TMEM200A: variants seen among roughly 807,000 people sequenced by gnomAD.
TMEM200A encodes transmembrane protein 200A.
TMEM200A carries 12 observed loss-of-function variants against 24.3 expected under a neutral mutation model. The observed-to-expected ratio is 0.49, with a 90% CI of 0.32 to 0.80. The LOEUF is 0.80. Ranked by LOEUF, TMEM200A falls within the 30% of genes least tolerant of loss-of-function variation. The probability of loss-of-function intolerance (pLI) is 0.04; values close to 1 mark genes in which losing one functional copy is unlikely to be tolerated. For missense variants in TMEM200A, 545 were observed against 614.4 expected (o/e 0.89, Z 1.19); for synonymous variants, 224 against 224.4 (o/e 1.00, Z 0.02).
At position 130,435,859 on chromosome 6, in the gene TMEM200A, G is replaced by A. The variant is rs369065142; in HGVS notation, c.-16-4548G>A. ...GAGGAGGATGTGGAGGTAGAAAAGT[G>A]GTCTCCTTTGAGTCTGCATCTTCAT... On this transcript the variant is annotated intron_variant, in intron 2 of 2. Transcript: ENST00000296978. 2.6e-5 allele frequency among the ~76,000 whole-genome samples: 4 copies of A among 152,328 alleles called. No homozygotes were observed. In the South Asian group the frequency reaches 8.3e-4, roughly 32 times the overall value.
chr6:130,422,322 G>A (rs1177663692), intron 2 of TMEM200A, among the ~76,000 whole-genome samples: 1 of 152,082 alleles, frequency 6.6e-6, no homozygotes, highest in Non-Finnish European at 1.5e-5. Flanking sequence ...AAGCTGGAAG[G>A]TAGTGGTGCG....
At chr6:130,375,520 CAT>C (rs2115075498) in intron 1 of TMEM200A, among the ~76,000 whole-genome samples, 1 of 152,262 alleles carries the variant, frequency 6.6e-6, no homozygotes, top group South Asian at 2.1e-4. Flanking sequence ...AAACAGGAAA[CAT>C]ATAAATGAGC....
intron 1 of TMEM200A, among the ~76,000 whole-genome samples, chr6:130,373,922 G>T (rs950113651): frequency 2.0e-5 from 3 of 152,108 alleles, no homozygotes; most frequent in African/African-American, 7.2e-5. Context: ...TTGAAAAAAA[G>T]AATAGTTTAT....
At chr6:130,428,287 T>G (rs1481257857) in intron 2 of TMEM200A, among the ~76,000 whole-genome samples, 1 of 152,184 alleles carries the variant, frequency 6.6e-6, no homozygotes, top group Non-Finnish European at 1.5e-5. Context: ...TAAGGACATT[T>G]AAAAAGGTAT....
intron 1 of TMEM200A, among the ~76,000 whole-genome samples, chr6:130,382,261 G>A (rs886487158): frequency 6.6e-6 from 1 of 152,164 alleles, no homozygotes; most frequent in Admixed American, 6.5e-5. Context: ...CACAGTGTGT[G>A]GCACAAAGTG....
chr6:130,427,327 G>C (rs1253279384), intron 2 of TMEM200A, among the ~76,000 whole-genome samples: 1 of 152,096 alleles, frequency 6.6e-6, no homozygotes, highest in Non-Finnish European at 1.5e-5. Flanking sequence ...TTCTGCTCTA[G>C]AAACTCAGAA....
intron 2 of TMEM200A, among the ~76,000 whole-genome samples, chr6:130,426,366 C>A (rs904301831): frequency 1.6e-4 from 25 of 151,718 alleles, no homozygotes; most frequent in African/African-American, 6.1e-4. Flanking sequence ...GATTTAATTT[C>A]AAGGCATGAA....
chr6:130,377,497 C>T (rs1192352117), intron 1 of TMEM200A, among the ~76,000 whole-genome samples: 1 of 152,086 alleles, frequency 6.6e-6, no homozygotes, highest in Non-Finnish European at 1.5e-5. Context: ...CTCATCCCTA[C>T]CTAGAACCCC....
intron 2 of TMEM200A, among the ~76,000 whole-genome samples, chr6:130,430,691 C>A (rs182543352): frequency 1.3e-4 from 20 of 152,204 alleles, no homozygotes; most frequent in Non-Finnish European, 1.5e-4. Context: ...ATAGATCATT[C>A]TTTCTGTGAG....
intron 1 of TMEM200A, among the ~76,000 whole-genome samples, chr6:130,369,411 T>G (rs982559381): frequency 7.2e-5 from 11 of 152,216 alleles, no homozygotes; most frequent in Middle Eastern, 3.4e-3. Flanking sequence ...AAGGTTAGGG[T>G]CAGATTTTAG....
At chr6:130,434,098 G>A (rs1156727971) in intron 2 of TMEM200A, among the ~76,000 whole-genome samples, 4 of 152,178 alleles carry the variant, frequency 2.6e-5, no homozygotes, top group Non-Finnish European at 5.9e-5. Context: ...CAGGGATGAG[G>A]TTTTATTAAC....
chr6:130,365,879 A>G (rs963722160), upstream of TMEM200A: 4 of 985,320 alleles, frequency 4.1e-6, no homozygotes, highest in African/African-American at 7.0e-5. Flanking sequence ...GGGGTTTCCC[A>G]CAGGTTTTGG....
At chr6:130,415,817 A>G (rs1259577365) in intron 2 of TMEM200A, among the ~76,000 whole-genome samples, 4 of 152,220 alleles carry the variant, frequency 2.6e-5, no homozygotes, top group Admixed American at 1.3e-4. Context: ...ACAGTATGCA[A>G]GCATTATTAG....
At chr6:130,393,533 G>A (rs1583189619) in intron 2 of TMEM200A, among the ~76,000 whole-genome samples, 1 of 152,188 alleles carries the variant, frequency 6.6e-6, no homozygotes, top group African/African-American at 2.4e-5. Context: ...CTTCACATGC[G>A]AGCCTGAGCA....
chr6:130,366,421 G>C lies in TMEM200A; in HGVS notation c.-184G>C. ...CGCCCCCGACCCTGCCGCCTTCTTC[G>C]TCCGCCTCCAGAGGCGCCCGACGTC... On this transcript the variant is annotated 5_prime_UTR_variant, in exon 1 of 3. Transcript: ENST00000296978. The surrounding 1 kb of genome is among the most constrained non-coding windows in gnomAD (Gnocchi z 4.4). 1.0e-6 allele frequency: 1 copy of C among 985,486 alleles called. No individual in the cohort carries two copies. The allele number at this position is 985,486 out of a possible 1,614,324, so 61.0% of individuals were successfully genotyped here. A position where few individuals can be genotyped will look rare whatever the true frequency, so the allele number is the denominator to read the frequency against.
rs146743557 is a variant in TMEM200A, at chr6:130,427,056, C to T, written c.-16-13351C>T. On this transcript the variant is annotated intron_variant, in intron 2 of 2. Coordinates refer to ENST00000296978, the MANE Select transcript of TMEM200A (RefSeq NM_001258277.2). ...TTGCTCCAATCCTGCATTTTTGCCT[C>T]GAAGGCTACACTCCACCTGCTTTAA... is the stretch of plus-strand genomic sequence containing the variant. Among the ~76,000 whole-genome samples the T allele has an allele frequency of 1.3e-3, 195 of 152,180 alleles. 2 individuals are homozygous for T. Among genetic ancestry groups the T allele is most frequent in the African/African-American group, 4.4e-3 (182 of 41,550 alleles).
intron 2 of TMEM200A, among the ~76,000 whole-genome samples, chr6:130,402,161 AAT>A (rs1192350940): frequency 6.6e-6 from 1 of 152,012 alleles, no homozygotes; most frequent in African/African-American, 2.4e-5. Context: ...TTATGGGAGA[AAT>A]ATCACAATTT....
intron 2 of TMEM200A, among the ~76,000 whole-genome samples, chr6:130,398,025 G>A (rs1353526433): frequency 1.3e-5 from 2 of 151,800 alleles, no homozygotes; most frequent in South Asian, 4.1e-4. Context: ...TGTTACATGG[G>A]TAAATTCCAT....
intron 2 of TMEM200A, among the ~76,000 whole-genome samples, chr6:130,393,701 G>C (rs1340163934): frequency 1.3e-5 from 2 of 152,124 alleles, no homozygotes; most frequent in Non-Finnish European, 2.9e-5. Flanking sequence ...TTATTTTCCA[G>C]GCCCATCATG....
Sources: gnomAD v4.1 joint callset for allele counts (sites outside exome capture counted in the v4.1 genomes callset) on GRCh38, gnomAD v4.1.1 for gene constraint, Gnocchi (gnomAD v3.1) non-coding constraint, MANE v1.5 for transcripts, NCBI Gene and HGNC (gene_info 2026-07-23, HGNC 2026-07-21) for gene names.